The following ARHGAP26 variants were observed in gnomAD, a reference collection of about 807,000 sequenced individuals.
The protein encoded by ARHGAP26 is rho GTPase-activating protein 26.
A neutral mutation model predicts 104.8 loss-of-function variants in ARHGAP26; 38 were observed. That is an observed-to-expected ratio of 0.36 (90% confidence interval 0.28 to 0.48). ARHGAP26 has a LOEUF of 0.48. Among genes scored for constraint, ARHGAP26 ranks in the 20% least tolerant of loss-of-function variants. The probability of loss-of-function intolerance (pLI) is 0.99; values close to 1 mark genes in which losing one functional copy is unlikely to be tolerated. For synonymous variants in ARHGAP26, 341 were observed against 340.0 expected, an observed-to-expected ratio of 1.00 and a Z score of -0.03; for missense variants, 704 against 947.9, an observed-to-expected ratio of 0.74 and a Z score of 3.38.
intron 11 of ARHGAP26, among the ~76,000 whole-genome samples, chr5:142,965,255 G>A (rs1314510918): frequency 6.6e-6 from 1 of 152,186 alleles, no homozygotes. Flanking sequence ...TTAGGCCTCC[G>A]GATAACTGTG....
intron 12 of ARHGAP26, among the ~76,000 whole-genome samples, chr5:143,030,396 G>A (rs532517750): frequency 6.6e-6 from 1 of 152,312 alleles, no homozygotes; most frequent in East Asian, 1.9e-4. Context: ...TGGACAAAAT[G>A]CAGGAGGTCT....
chr5:143,127,244 T>C (rs912997209), intron 18 of ARHGAP26, among the ~76,000 whole-genome samples: 4 of 152,166 alleles, frequency 2.6e-5, no homozygotes, highest in Non-Finnish European at 5.9e-5. Context: ...CAACACATAA[T>C]AGTAGGATTG....
intron 20 of ARHGAP26, among the ~76,000 whole-genome samples, chr5:143,199,057 C>A (rs1265410725): frequency 1.3e-5 from 2 of 152,086 alleles, no homozygotes; most frequent in African/African-American, 4.8e-5. Context: ...ATTGTTAAGA[C>A]CTTAAGGGGA....
chr5:142,893,086 G>C (rs1758921322), intron 5 of ARHGAP26, among the ~76,000 whole-genome samples: 1 of 148,678 alleles, frequency 6.7e-6, no homozygotes. Flanking sequence ...CTGGGTTCAA[G>C]TGATTCTCCT....
intron 6 of ARHGAP26, among the ~76,000 whole-genome samples, chr5:142,896,077 T>A (rs750336119): frequency 2.6e-5 from 4 of 152,230 alleles, no homozygotes; most frequent in Non-Finnish European, 5.9e-5. Flanking sequence ...TGAGCAGCTA[T>A]CTGTCAGATA....
intron 1 of ARHGAP26, among the ~76,000 whole-genome samples, chr5:142,802,670 T>G (rs1215085048): frequency 1.3e-5 from 2 of 152,126 alleles, no homozygotes; most frequent in Non-Finnish European, 2.9e-5. Flanking sequence ...GATGAAAAAG[T>G]AGGCATTGGC....
chr5:142,781,116 C>A (rs1344662372), intron 1 of ARHGAP26, among the ~76,000 whole-genome samples: 2 of 152,104 alleles, frequency 1.3e-5, no homozygotes, highest in African/African-American at 4.8e-5. Context: ...GGGGAGATTG[C>A]TAGCAGTTTA....
At chr5:143,114,363 A>G (rs116927643) in intron 17 of ARHGAP26, among the ~76,000 whole-genome samples, 1 of 152,312 alleles carries the variant, frequency 6.6e-6, no homozygotes, top group East Asian at 1.9e-4. Flanking sequence ...GAGTCCAGGT[A>G]GTATTCAGGC....
chr5:142,801,916 T>C (rs1056019039), intron 1 of ARHGAP26, among the ~76,000 whole-genome samples: 5 of 152,148 alleles, frequency 3.3e-5, no homozygotes, highest in African/African-American at 9.7e-5. Context: ...GTGTGCAGAG[T>C]TGCCTTCTGT....
At chr5:143,115,784 CA>C (rs1795361253) in intron 17 of ARHGAP26, among the ~76,000 whole-genome samples, 1 of 152,274 alleles carries the variant, frequency 6.6e-6, no homozygotes, top group African/African-American at 2.4e-5. Flanking sequence ...TGTGAGGAAA[CA>C]GGTTTAGAGA....
At position 142,940,041 on chromosome 5, in the gene ARHGAP26, C is replaced by T. The variant is rs140788641; in HGVS notation, c.1107+7916C>T. 4.6e-3 allele frequency among the ~76,000 whole-genome samples: 702 copies of T among 152,310 alleles called. 8 individuals carry two copies. The highest frequency in any genetic ancestry group is 4.6e-3 in the Non-Finnish European group (314 of 68,030). ...TTCAATAGTATGGAAAATGTGATTTCGTTTAGCAGTCAGTGTGAACTTTCA... is the reference window on the plus strand; with the variant it reads ...TTCAATAGTATGGAAAATGTGATTTTGTTTAGCAGTCAGTGTGAACTTTCA... On this transcript the variant is annotated intron_variant, in intron 11 of 22. Coordinates refer to ENST00000645722, the MANE Select transcript of ARHGAP26 (RefSeq NM_001135608.3).
At chr5:143,088,578 A>G (rs1259353342) in intron 17 of ARHGAP26, among the ~76,000 whole-genome samples, 2 of 152,212 alleles carry the variant, frequency 1.3e-5, no homozygotes, top group African/African-American at 4.8e-5. Context: ...AGACTGAAAA[A>G]AACTCATGAT....
intron 1 of ARHGAP26, among the ~76,000 whole-genome samples, chr5:142,809,300 G>GA (rs1763619028): frequency 6.6e-6 from 1 of 152,128 alleles, no homozygotes; most frequent in East Asian, 1.9e-4. Context: ...GAAAAGAAAA[G>GA]AAAAAAATAT....
In ARHGAP26 at chr5:142,955,794, G is replaced by A. The variant is rs137886514; in HGVS notation, c.1107+23669G>A. Among the ~76,000 whole-genome samples the A allele has an allele frequency of 2.8e-4, 43 of 152,324 alleles. No homozygotes were observed. In the East Asian group the frequency reaches 7.1e-3, roughly 25 times the overall value. On this transcript the variant is annotated intron_variant, in intron 11 of 22. Coordinates refer to ENST00000645722, the MANE Select transcript of ARHGAP26 (RefSeq NM_001135608.3). The stretch of plus-strand genomic sequence containing the variant: ...ATCGGTTCCAGATGTTAGTCTTGTT[G>A]TGGCCTCTTTGGCCAGGGTGCATCT...
At chr5:143,080,089 C>T (rs1789584476) in intron 17 of ARHGAP26, among the ~76,000 whole-genome samples, 1 of 152,146 alleles carries the variant, frequency 6.6e-6, no homozygotes, top group Non-Finnish European at 1.5e-5. Context: ...ACTCTTTTGC[C>T]TATAAGATGG....
intron 1 of ARHGAP26, among the ~76,000 whole-genome samples, chr5:142,864,566 T>TG (rs1366146746): frequency 6.6e-6 from 1 of 152,196 alleles, no homozygotes; most frequent in African/African-American, 2.4e-5. Context: ...TTCACAAGAA[T>TG]GGGGTTGATC....
chr5:143,072,914 A>G (rs988948181), intron 17 of ARHGAP26, among the ~76,000 whole-genome samples: 3 of 152,222 alleles, frequency 2.0e-5, no homozygotes, highest in Non-Finnish European at 4.4e-5. Flanking sequence ...TTGAACATTA[A>G]CAATGAATGT....
At chr5:143,191,990 T>TA (rs1337376371) in intron 20 of ARHGAP26, among the ~76,000 whole-genome samples, 3 of 152,254 alleles carry the variant, frequency 2.0e-5, no homozygotes, top group Middle Eastern at 3.2e-3. Flanking sequence ...CCAGCAGTCT[T>TA]ACCCTTGGTT....
At chr5:143,199,475 A>T (rs1807378209) in intron 20 of ARHGAP26, among the ~76,000 whole-genome samples, 2 of 152,248 alleles carry the variant, frequency 1.3e-5, no homozygotes, top group Non-Finnish European at 2.9e-5. Flanking sequence ...CAAGCCAGAA[A>T]GGGATATTTT....
Sources: allele counts gnomAD v4.1 joint callset (sites outside exome capture counted in the v4.1 genomes callset), GRCh38; gene constraint gnomAD v4.1.1; transcripts MANE v1.5; gene names NCBI Gene and HGNC (gene_info 2026-07-23, HGNC 2026-07-21).